R3HDM2: variants seen among roughly 807,000 people sequenced by gnomAD.
R3HDM2 encodes R3H domain containing 2.
A neutral mutation model predicts 124.5 loss-of-function variants in R3HDM2; 38 were observed. That is an observed-to-expected ratio of 0.31 (90% CI 0.24 to 0.40). The LOEUF (loss-of-function observed/expected upper bound fraction) is 0.40, where lower values mean the gene tolerates loss of function less well. R3HDM2 is among the 10% of genes least tolerant of loss of function. The probability of loss-of-function intolerance (pLI) is 1.00; values close to 1 mark genes in which losing one functional copy is unlikely to be tolerated. For missense variants in R3HDM2, 869 were observed against 1,236.9 expected (o/e 0.70, Z 4.46); for synonymous variants, 391 against 448.0 (o/e 0.87, Z 1.61).
At position 57,300,113 on chromosome 12, in the gene R3HDM2, A is replaced by C; in HGVS notation, c.276T>G (p.Asp92Glu). 6.4e-7 allele frequency: 1 copy of C among 1,551,702 alleles called. No homozygotes were observed. Among genetic ancestry groups the C allele is most frequent in the Non-Finnish European group, 8.7e-7 (1 of 1,146,906 alleles). The change falls in exon 5 of 24, where the codon GAT (aspartate) becomes GAG (glutamate). Residue 92 changes from aspartate (D) to glutamate (E), a missense_variant. By Grantham distance (45) the Asp-to-Glu change is conservative (BLOSUM62 2). Transcript: ENST00000402412. ...VCEESSTPFA[D>E]GPLETQDIIQ... Reference sequence around the variant, plus strand: ...GACCTACCTGGGTTTCTAATGGCCCATCAGCAAATGGGGTGGAGGACTCCT... The same window carrying C: ...GACCTACCTGGGTTTCTAATGGCCCCTCAGCAAATGGGGTGGAGGACTCCT...
At chr12:57,256,603 G>T in intron 21 of R3HDM2, 92 bp from the exon 22 acceptor site, 1 of 870,774 alleles carries the variant, frequency 1.1e-6, no homozygotes, top group Non-Finnish European at 1.7e-6. Flanking sequence ...CAGCAACAAT[G>T]CATACTATTC....
chr12:57,268,353 C>T lies in R3HDM2; in HGVS notation c.1980G>A (p.Gly660=). 6.2e-7 allele frequency: 1 copy of T among 1,614,058 alleles called. No homozygotes were observed. Among genetic ancestry groups the T allele is most frequent in the Non-Finnish European group, 8.5e-7 (1 of 1,179,994 alleles). The change falls in exon 18 of 24, where the codon GGG becomes GGA. Residue 660 remains glycine, a synonymous_variant. Coordinates refer to ENST00000402412, the MANE Select transcript of R3HDM2 (RefSeq NM_001394031.1). Reference sequence around the variant, plus strand: ...GGATCATGCTATAGTACACTGGTACCCCCGCTGCTGGGAGGCCTCCTTGCA... The same window carrying T: ...GGATCATGCTATAGTACACTGGTACTCCCGCTGCTGGGAGGCCTCCTTGCA... ...QSVQGGLPAA[G]VPVYYSMIPP...
At chr12:57,300,258 G>T in intron 4 of R3HDM2, 77 bp from the exon 5 acceptor site, 2 of 1,277,684 alleles carry the variant, frequency 1.6e-6, no homozygotes, top group Non-Finnish European at 2.2e-6. Flanking sequence ...CATTCAGAAA[G>T]CTTTTGGCTG....
At position 57,350,159 on chromosome 12, in the gene R3HDM2, G is replaced by A. The variant is rs56655001; in HGVS notation, c.-35-39696C>T. Among the ~76,000 whole-genome samples the A allele has an allele frequency of 5.1e-3, 772 of 152,104 alleles. 6 individuals carry two copies. The highest frequency in any genetic ancestry group is 0.018 in the African/African-American group (734 of 41,510). On this transcript the variant is annotated intron_variant, in intron 2 of 23. Coordinates refer to ENST00000402412, the MANE Select transcript of R3HDM2 (RefSeq NM_001394031.1). Reference sequence around the variant, plus strand: ...CGGGAGGCAGAGATTGCAGTAAGCCGAGATCGCGCCACTGCACACCAGACT... The same window carrying A: ...CGGGAGGCAGAGATTGCAGTAAGCCAAGATCGCGCCACTGCACACCAGACT...
chr12:57,256,609 T>G (rs1231817892), intron 21 of R3HDM2, 98 bp from the exon 22 acceptor site: 1 of 825,522 alleles, frequency 1.2e-6, no homozygotes, highest in African/African-American at 1.7e-5. Context: ...CAATGCATAC[T>G]ATTCCTAATT....
At chr12:57,322,459 G>C (rs2056606958) in intron 2 of R3HDM2, among the ~76,000 whole-genome samples, 1 of 152,034 alleles carries the variant, frequency 6.6e-6, no homozygotes, top group Non-Finnish European at 1.5e-5. Flanking sequence ...AAAGGTACAT[G>C]ATTTACTGAG....
At chr12:57,275,604 G>A (rs1311698534) in intron 14 of R3HDM2, among the ~76,000 whole-genome samples, 2 of 150,102 alleles carry the variant, frequency 1.3e-5, no homozygotes, top group South Asian at 2.1e-4. Context: ...CAGAATCTAC[G>A]ACGAACTCAA....
At chr12:57,422,447 G>C (rs2070309565) in intron 1 of R3HDM2, among the ~76,000 whole-genome samples, 12 of 152,088 alleles carry the variant, frequency 7.9e-5, no homozygotes, top group Admixed American at 7.9e-4. Flanking sequence ...CTGTTACCTT[G>C]CTCTATACCT....
chr12:57,358,783 T>C, intron 2 of R3HDM2, among the ~76,000 whole-genome samples: 1 of 152,226 alleles, frequency 6.6e-6, no homozygotes, highest in East Asian at 1.9e-4. Context: ...TTAACTGGGT[T>C]AATTACTGAT....
At chr12:57,343,146 G>A (rs1310143099) in intron 2 of R3HDM2, among the ~76,000 whole-genome samples, 1 of 151,544 alleles carries the variant, frequency 6.6e-6, no homozygotes, top group East Asian at 1.9e-4. Context: ...AGTATACATG[G>A]CTCTGGAACG....
Position 57,400,595 on chromosome 12 carries a change from T to TA in R3HDM2, c.-105-4778dup, listed in dbSNP as rs566183507. Among the ~76,000 whole-genome samples, 341 of 151,034 alleles carry TA rather than the reference T, an allele frequency of 2.3e-3. 2 individuals are homozygous for TA. Among genetic ancestry groups the TA allele is most frequent in the African/African-American group, 7.7e-3 (316 of 41,184 alleles). On this transcript the variant is annotated intron_variant, in intron 1 of 23. Coordinates refer to ENST00000402412, the MANE Select transcript of R3HDM2 (RefSeq NM_001394031.1). ...CTTAAAGTATAATAAAAATATATAT[T>TA]AAAAAAAAACAATAAACACTGTCTA...
intron 1 of R3HDM2, among the ~76,000 whole-genome samples, chr12:57,420,750 C>G (rs1199553549): frequency 6.6e-6 from 1 of 152,040 alleles, no homozygotes; most frequent in Non-Finnish European, 1.5e-5. Context: ...TTCTCTAAGT[C>G]CTCTCCTCAG....
intron 1 of R3HDM2, among the ~76,000 whole-genome samples, chr12:57,407,337 G>A (rs1594547934): frequency 6.6e-6 from 1 of 151,748 alleles, no homozygotes; most frequent in East Asian, 1.9e-4. Flanking sequence ...AAACATATAA[G>A]CTACTAAAAA....
chr12:57,282,037 T>C (rs902298558), intron 13 of R3HDM2, among the ~76,000 whole-genome samples: 1 of 152,090 alleles, frequency 6.6e-6, no homozygotes, highest in Admixed American at 6.6e-5. Context: ...TGGTTGGGTG[T>C]GGTGGCTCAT....
intron 2 of R3HDM2, among the ~76,000 whole-genome samples, chr12:57,341,767 G>A (rs983241786): frequency 2.0e-5 from 3 of 152,116 alleles, no homozygotes; most frequent in African/African-American, 4.8e-5. Context: ...AGCCAGGTGC[G>A]GATAGCTGGG....
intron 2 of R3HDM2, among the ~76,000 whole-genome samples, chr12:57,370,121 CAT>C (rs1017072845): frequency 3.3e-5 from 5 of 152,162 alleles, no homozygotes; most frequent in African/African-American, 4.8e-5. Flanking sequence ...ATAATCCCCA[CAT>C]GTGTGAGGGA....
At chr12:57,257,964 C>A in intron 21 of R3HDM2, 26 bp downstream of exon 21, 1 of 1,448,020 alleles carries the variant, frequency 6.9e-7, no homozygotes. Context: ...AATTCCATAG[C>A]AGCCAGCACT....
Position 57,266,832 on chromosome 12 carries a change from C to A in R3HDM2, c.2031-1G>T. Reference sequence around the variant, plus strand: ...GGGTTGCAGAAACCCTACAGAAGGGCTGGGAAGACAGAGAAGAGAGGAGTG... The same window carrying A: ...GGGTTGCAGAAACCCTACAGAAGGGATGGGAAGACAGAGAAGAGAGGAGTG... On this transcript the variant is annotated splice_acceptor_variant, in intron 18 of 23. Coordinates refer to ENST00000402412, the MANE Select transcript of R3HDM2 (RefSeq NM_001394031.1). LOFTEE classifies it high-confidence loss of function. 1 of 1,583,726 alleles carries A rather than the reference C, an allele frequency of 6.3e-7. No homozygotes were observed. Among genetic ancestry groups the A allele is most frequent in the Non-Finnish European group, 8.7e-7 (1 of 1,154,660 alleles).
At chr12:57,335,123 C>T (rs1381974773) in intron 2 of R3HDM2, among the ~76,000 whole-genome samples, 1 of 151,710 alleles carries the variant, frequency 6.6e-6, no homozygotes, top group Non-Finnish European at 1.5e-5. Context: ...GCCTGGGCAA[C>T]AGAGCAAGAC....
Sources: gnomAD v4.1 joint callset for allele counts (sites outside exome capture counted in the v4.1 genomes callset) on GRCh38, gnomAD v4.1.1 for gene constraint, MANE v1.5 for transcripts, NCBI Gene and HGNC (gene_info 2026-07-23, HGNC 2026-07-21) for gene names.